Variants in SCHIP1 observed in about 807,000 individuals in gnomAD.
The protein encoded by SCHIP1 is schwannomin-interacting protein 1.
SCHIP1 carries 8 observed loss-of-function variants against 29.7 expected under a neutral mutation model. The ratio of observed to expected loss-of-function variants is 0.27; its 90% CI spans 0.16 to 0.49. The LOEUF (loss-of-function observed/expected upper bound fraction) is 0.49, where lower values mean the gene tolerates loss of function less well. Among genes scored for constraint, SCHIP1 ranks in the 20% least tolerant of loss-of-function variants. SCHIP1 has a pLI of 0.99. For missense variants in SCHIP1, 193 were observed against 294.6 expected (o/e 0.66, Z 2.52); for synonymous variants, 76 against 94.9 (o/e 0.80, Z 1.16).
chr3:159,737,186 AAT>A, the SCHIP1 span, among the ~76,000 whole-genome samples: 1 of 152,146 alleles, frequency 6.6e-6, no homozygotes, highest in Non-Finnish European at 1.5e-5. Context: ...CGGCCTGATT[AAT>A]CATCAGGTGA....
the SCHIP1 span, among the ~76,000 whole-genome samples, chr3:159,530,312 A>G: frequency 6.6e-6 from 1 of 151,876 alleles, no homozygotes; most frequent in East Asian, 1.9e-4. Flanking sequence ...TTCCCTTCCC[A>G]GCTCTCTCTT....
intron 1 of SCHIP1, among the ~76,000 whole-genome samples, chr3:159,849,695 G>T (rs2109086987): frequency 6.6e-6 from 1 of 152,336 alleles, no homozygotes; most frequent in Middle Eastern, 3.4e-3. Context: ...GGCTGTGCTG[G>T]GGCTGGGATA....
chr3:159,547,354 T>C, the SCHIP1 span, among the ~76,000 whole-genome samples: 2 of 152,204 alleles, frequency 1.3e-5, no homozygotes, highest in Non-Finnish European at 2.9e-5. Context: ...TTTTCTCCCA[T>C]TCTGTAGGTT....
upstream of SCHIP1, among the ~76,000 whole-genome samples, chr3:159,836,545 G>A (rs1045916167): frequency 6.6e-5 from 10 of 152,166 alleles, no homozygotes; most frequent in Non-Finnish European, 1.0e-4. Flanking sequence ...AGAAAATCAT[G>A]TTTGTTTCTT....
intron 1 of SCHIP1, among the ~76,000 whole-genome samples, chr3:159,864,470 T>TACACAC (rs58371525): frequency 0.033 from 4,642 of 139,832 alleles, 89 homozygotes; most frequent in Non-Finnish European, 0.04. Context: ...ATGGCTGTAC[T>TACACAC]ACACACACAC....
chr3:159,432,620 T>A, the SCHIP1 span, among the ~76,000 whole-genome samples: 70 of 152,208 alleles, frequency 4.6e-4, 2 homozygotes, highest in Admixed American at 4.5e-3. Flanking sequence ...ATTTGGGGAA[T>A]CTCACACTGG....
chr3:159,513,243 G>T, the SCHIP1 span, among the ~76,000 whole-genome samples: 2 of 152,122 alleles, frequency 1.3e-5, no homozygotes, highest in Non-Finnish European at 2.9e-5. Context: ...GATGTGGGGG[G>T]TACAAAGACA....
chr3:159,332,907 G>A, the SCHIP1 span, among the ~76,000 whole-genome samples: 11 of 152,170 alleles, frequency 7.2e-5, no homozygotes, highest in Non-Finnish European at 1.2e-4. Flanking sequence ...CACTGTTTAT[G>A]TATCCAGTTC....
chr3:159,864,839 C>T (rs903193095), intron 1 of SCHIP1, among the ~76,000 whole-genome samples: 3 of 152,124 alleles, frequency 2.0e-5, no homozygotes, highest in African/African-American at 7.2e-5. Flanking sequence ...CCACTAGCCA[C>T]CTGTGATGGT....
chr3:159,627,643 G>A, the SCHIP1 span, among the ~76,000 whole-genome samples: 49 of 152,248 alleles, frequency 3.2e-4, no homozygotes, highest in African/African-American at 1.1e-3. Flanking sequence ...GGAGTTCATC[G>A]CCTAGTGAGA....
the SCHIP1 span, among the ~76,000 whole-genome samples, chr3:159,488,331 A>G: frequency 3.3e-5 from 5 of 152,284 alleles, no homozygotes; most frequent in South Asian, 1.0e-3. Flanking sequence ...GAGAGTATAA[A>G]TGAATCATTT....
the SCHIP1 span, among the ~76,000 whole-genome samples, chr3:159,592,922 TA>T: frequency 1.3e-5 from 2 of 152,068 alleles, no homozygotes; most frequent in African/African-American, 4.8e-5. Flanking sequence ...CTTATAAAAA[TA>T]AAAACAGATG....
At chr3:159,637,410 CACACACACACA>C in the SCHIP1 span, among the ~76,000 whole-genome samples, 1 of 146,434 alleles carries the variant, frequency 6.8e-6, no homozygotes, top group African/African-American at 2.6e-5. Flanking sequence ...CACACACACA[CACACACACACA>C]CCTGACTCTT....
the SCHIP1 span, among the ~76,000 whole-genome samples, chr3:159,510,861 T>A: frequency 1.3e-5 from 2 of 152,164 alleles, no homozygotes; most frequent in East Asian, 1.9e-4. Flanking sequence ...AGCTGTGTGA[T>A]GTGTCAGTCT....
chr3:159,366,009 G>GTTGT, the SCHIP1 span, among the ~76,000 whole-genome samples: 2 of 143,980 alleles, frequency 1.4e-5, no homozygotes, highest in African/African-American at 2.5e-5. Flanking sequence ...CCAAGACAGG[G>GTTGT]TTGTTGTTTA....
At chr3:159,517,822 A>G in the SCHIP1 span, among the ~76,000 whole-genome samples, 264 of 152,234 alleles carry the variant, frequency 1.7e-3, no homozygotes, top group Middle Eastern at 0.01. Flanking sequence ...GGAAACTAAT[A>G]TTTTTAAAAG....
intron 4 of SCHIP1, chr3:159,888,197 C>T (rs1290048863): frequency 2.4e-6 from 1 of 422,574 alleles, no homozygotes; most frequent in Non-Finnish European, 4.3e-6. Flanking sequence ...GAAGCGATCT[C>T]AATCTAAGAA....
chr3:159,796,510 G>A, the SCHIP1 span, among the ~76,000 whole-genome samples: 6 of 152,200 alleles, frequency 3.9e-5, no homozygotes. Flanking sequence ...GAGGAAAGCA[G>A]CGATGTAAAA....
the SCHIP1 span, among the ~76,000 whole-genome samples, chr3:159,385,714 A>G: frequency 6.6e-6 from 1 of 152,178 alleles, no homozygotes; most frequent in Non-Finnish European, 1.5e-5. Flanking sequence ...GAGCATTTTT[A>G]AAATTATACT....
Sources: gnomAD v4.1 joint callset for allele counts (sites outside exome capture counted in the v4.1 genomes callset) on GRCh38, gnomAD v4.1.1 for gene constraint, MANE v1.5 for transcripts, NCBI Gene and HGNC (gene_info 2026-07-23, HGNC 2026-07-21) for gene names.